The following ESRRB variants were observed in gnomAD, a reference collection of about 807,000 sequenced individuals.
ESRRB encodes the protein estrogen related receptor beta.
ESRRB carries 16 observed loss-of-function variants against 46.0 expected under a neutral mutation model. The observed-to-expected ratio is 0.35, with a 90% CI of 0.24 to 0.53. The LOEUF (loss-of-function observed/expected upper bound fraction) is 0.53, where lower values mean the gene tolerates loss of function less well. Ranked by LOEUF, ESRRB falls within the 20% of genes least tolerant of loss-of-function variation. The probability of loss-of-function intolerance (pLI) is 0.93; values close to 1 mark genes in which losing one functional copy is unlikely to be tolerated. For missense variants in ESRRB, 488 were observed against 607.4 expected (o/e 0.80, Z 2.07); for synonymous variants, 246 against 259.6 (o/e 0.95, Z 0.50).
intron 1 of ESRRB, among the ~76,000 whole-genome samples, chr14:76,364,455 G>A (rs780839431): frequency 3.5e-4 from 53 of 152,168 alleles, no homozygotes; most frequent in African/African-American, 9.9e-4. Context: ...TTGGGAGGCC[G>A]AGGTGGGTGG....
At chr14:76,377,787 G>C (rs11621905) in intron 1 of ESRRB, among the ~76,000 whole-genome samples, 23,646 of 152,116 alleles carry the variant, frequency 0.16, 2,298 homozygotes, top group Non-Finnish European at 0.22. Flanking sequence ...GGTGCACCCC[G>C]CTTGAGAGAG....
intron 1 of ESRRB, among the ~76,000 whole-genome samples, chr14:76,382,219 G>T (rs186446338): frequency 1.3e-5 from 2 of 152,290 alleles, no homozygotes; most frequent in East Asian, 3.9e-4. Flanking sequence ...GTGGACAGGG[G>T]TCTCTGCTAT....
upstream of ESRRB, among the ~76,000 whole-genome samples, chr14:76,373,503 T>C (rs8012930): frequency 0.013 from 2,014 of 152,162 alleles, 38 homozygotes; most frequent in African/African-American, 0.046. Context: ...CCATCCTCCG[T>C]GAGTTGGCTG....
chr14:76,499,810 G>A lies in ESRRB; in HGVS notation c.*1352G>A. 1.3e-6 allele frequency: 2 copies of A among 1,504,958 alleles called. No individual in the cohort carries two copies. Among genetic ancestry groups the A allele is most frequent in the Non-Finnish European group, 1.9e-6 (2 of 1,080,536 alleles). The allele number at this position is 1,504,958 out of a possible 1,614,324, so 93.2% of individuals were successfully genotyped here. On this transcript the variant is annotated 3_prime_UTR_variant, in exon 7 of 7. Coordinates refer to ENST00000644823, the MANE Select transcript of ESRRB (RefSeq NM_001379180.1). ...TCACTCTATTTCTGTGGATGGCCGT[G>A]AAAGTTTTCACTAACTCAAGGGGCA...
intron 1 of ESRRB, among the ~76,000 whole-genome samples, chr14:76,395,867 T>C (rs1412424615): frequency 2.0e-5 from 3 of 148,940 alleles, no homozygotes; most frequent in Non-Finnish European, 4.5e-5. Context: ...GGTTGAGAAA[T>C]GCTTTGGCAT....
intron 1 of ESRRB, among the ~76,000 whole-genome samples, chr14:76,430,203 C>T (rs1887382850): frequency 6.6e-6 from 1 of 152,182 alleles, no homozygotes; most frequent in South Asian, 2.1e-4. Context: ...TATAGTAGTT[C>T]TAGGTGCCTG....
intron 1 of ESRRB, among the ~76,000 whole-genome samples, chr14:76,348,990 T>C (rs1884282359): frequency 6.6e-6 from 1 of 152,168 alleles, no homozygotes; most frequent in Admixed American, 6.5e-5. Flanking sequence ...TCGTGAGTCA[T>C]CTCCAAGCAG....
At chr14:76,414,683 A>AAAAAAAAC (rs1886619375) in intron 1 of ESRRB, among the ~76,000 whole-genome samples, 1 of 142,470 alleles carries the variant, frequency 7.0e-6, no homozygotes, top group Admixed American at 6.9e-5. Flanking sequence ...AAAAAAAAAA[A>AAAAAAAAC]AAAAAAAAAA....
intron 1 of ESRRB, among the ~76,000 whole-genome samples, chr14:76,378,120 AT>A (rs1884855438): frequency 1.3e-5 from 2 of 152,162 alleles, no homozygotes; most frequent in African/African-American, 4.8e-5. Context: ...AGTATGACAA[AT>A]ATTGGATATT....
At position 76,491,884 on chromosome 14, in the gene ESRRB, A is replaced by G. The variant is rs929138943; in HGVS notation, c.1120+168A>G. On this transcript the variant is annotated intron_variant, in intron 6 of 6. Coordinates refer to ENST00000644823, the MANE Select transcript of ESRRB (RefSeq NM_001379180.1). ...TTGTCCAAGGGGTGGCCTGCAGATA[A>G]AAAGCTGGTGATGAAGGCTGACACT... Among the ~76,000 whole-genome samples the G allele has an allele frequency of 7.2e-5, 11 of 152,358 alleles. 1 individual carries two copies. In the East Asian group the frequency reaches 2.1e-3, roughly 29 times the overall value.
chr14:76,326,684 A>T (rs535781306), intron 1 of ESRRB, among the ~76,000 whole-genome samples: 1 of 152,138 alleles, frequency 6.6e-6, no homozygotes, highest in South Asian at 2.1e-4. Context: ...AAGTGGGTAG[A>T]GGGTAGGAAA....
chr14:76,405,486 G>A (rs1021789389), intron 1 of ESRRB, among the ~76,000 whole-genome samples: 1 of 152,186 alleles, frequency 6.6e-6, no homozygotes, highest in East Asian at 1.9e-4. Context: ...CTTGTAAGTT[G>A]CCTTGGGAAG....
chr14:76,339,565 G>A (rs1490363858), intron 1 of ESRRB, among the ~76,000 whole-genome samples: 1 of 152,182 alleles, frequency 6.6e-6, no homozygotes, highest in Non-Finnish European at 1.5e-5. Context: ...ACCATGTCCA[G>A]ACAGGCCCCT....
chr14:76,361,746 G>A (rs1038182351), intron 1 of ESRRB, among the ~76,000 whole-genome samples: 1 of 152,186 alleles, frequency 6.6e-6, no homozygotes, highest in Non-Finnish European at 1.5e-5. Context: ...CTAACTATGT[G>A]GCCTTAGCCC....
chr14:76,403,814 C>T (rs1886046254), intron 1 of ESRRB, among the ~76,000 whole-genome samples: 1 of 152,074 alleles, frequency 6.6e-6, no homozygotes, highest in Non-Finnish European at 1.5e-5. Flanking sequence ...GCAACCTCCG[C>T]CTCCTGGGTT....
intron 6 of ESRRB, among the ~76,000 whole-genome samples, chr14:76,492,541 C>T (rs977218951): frequency 6.6e-6 from 1 of 152,124 alleles, no homozygotes; most frequent in Non-Finnish European, 1.5e-5. Flanking sequence ...ATTGTTGCAA[C>T]CCCATTTTAC....
At chr14:76,443,500 AAACACAAAATGTTTAAGTCAACTG>A (rs1248135543) in intron 2 of ESRRB, among the ~76,000 whole-genome samples, 1 of 151,530 alleles carries the variant, frequency 6.6e-6, no homozygotes, top group Admixed American at 6.6e-5. Flanking sequence ...GATATTTGAC[AAACACAAAATGTTTAAGTCAACTG>A]AAGTTACCAA....
rs556386510 is a variant in ESRRB at position 76,396,001 on chromosome 14, C to A, written c.50+19550C>A. ...AATTCTGGCCAACATGGTGAAAGCC[C>A]GTCTTTACTAAAAATACAAAAACTA... On this transcript the variant is annotated intron_variant, in intron 1 of 6. Coordinates refer to ENST00000644823, the MANE Select transcript of ESRRB (RefSeq NM_001379180.1). Among the ~76,000 whole-genome samples the A allele has an allele frequency of 2.0e-5, 3 of 151,918 alleles. No homozygotes were observed. The South Asian group carries it at 6.3e-4, about 32-fold the overall frequency.
chr14:76,380,074 G>A (rs139438947), intron 1 of ESRRB, among the ~76,000 whole-genome samples: 1 of 152,192 alleles, frequency 6.6e-6, no homozygotes, highest in East Asian at 1.9e-4. Flanking sequence ...CTAGCTCGGG[G>A]GCCCTTATAA....
Sources: allele counts gnomAD v4.1 joint callset (sites outside exome capture counted in the v4.1 genomes callset), GRCh38; gene constraint gnomAD v4.1.1; transcripts MANE v1.5; gene names NCBI Gene and HGNC (gene_info 2026-07-23, HGNC 2026-07-21).